The following ALK variants were observed in gnomAD, a reference collection of about 807,000 sequenced individuals.
ALK encodes ALK receptor tyrosine kinase.
In ALK, 74 loss-of-function variants were observed where a neutral mutation model predicts 163.1. The ratio of observed to expected loss-of-function variants is 0.45; its 90% CI spans 0.38 to 0.55. ALK has a LOEUF of 0.55. Ranked by LOEUF, ALK falls within the 20% of genes least tolerant of loss-of-function variation. ALK has a pLI of 0.00. For synonymous variants in ALK, 960 were observed against 843.2 expected (o/e 1.14, Z -2.40); for missense variants, 2,063 against 2,105.3 (o/e 0.98, Z 0.39).
intron 3 of ALK, among the ~76,000 whole-genome samples, chr2:29,569,571 C>A (rs866271570): frequency 7.3e-5 from 11 of 151,584 alleles, no homozygotes; most frequent in African/African-American, 1.9e-4. Flanking sequence ...CTTCCCCCCC[C>A]CTAGTGAGGT....
intron 4 of ALK, among the ~76,000 whole-genome samples, chr2:29,524,622 A>G (rs530337470): frequency 5.1e-4 from 78 of 152,374 alleles, no homozygotes; most frequent in African/African-American, 1.6e-3. Context: ...TGCACTGTAC[A>G]GATATTTACC....
chr2:29,664,701 C>A (rs1053980694), intron 3 of ALK, among the ~76,000 whole-genome samples: 3 of 152,174 alleles, frequency 2.0e-5, no homozygotes, highest in Non-Finnish European at 2.9e-5. Context: ...AGCTCCACCC[C>A]ACCTTGTCCC....
At chr2:29,735,704 G>T (rs575833905) in intron 1 of ALK, among the ~76,000 whole-genome samples, 7 of 152,120 alleles carry the variant, frequency 4.6e-5, no homozygotes, top group African/African-American at 1.4e-4. Flanking sequence ...TCATGATAGC[G>T]AGTGAATTCT....
chr2:29,849,721 T>C (rs542872443), intron 1 of ALK, among the ~76,000 whole-genome samples: 5 of 152,228 alleles, frequency 3.3e-5, no homozygotes, highest in Non-Finnish European at 7.4e-5. Context: ...TGCTGGTACC[T>C]GGCTGTCAGC....
intron 1 of ALK, among the ~76,000 whole-genome samples, chr2:29,878,208 A>G (rs891613283): frequency 1.3e-5 from 2 of 152,240 alleles, no homozygotes; most frequent in East Asian, 1.9e-4. Context: ...ATTGCCTCCA[A>G]GAAATATTAG....
intron 1 of ALK, among the ~76,000 whole-genome samples, chr2:29,852,553 C>A (rs1666025553): frequency 6.6e-6 from 1 of 152,222 alleles, no homozygotes; most frequent in African/African-American, 2.4e-5. Context: ...GCCTGCCCAG[C>A]AGAGGATTCC....
At chr2:29,694,051 T>C (rs1678481395) in intron 3 of ALK, among the ~76,000 whole-genome samples, 1 of 152,196 alleles carries the variant, frequency 6.6e-6, no homozygotes, top group Non-Finnish European at 1.5e-5. Context: ...AGGCTTTCAA[T>C]TCTGAGTTAG....
At chr2:29,878,695 T>A (rs1666782990) in intron 1 of ALK, among the ~76,000 whole-genome samples, 1 of 152,192 alleles carries the variant, frequency 6.6e-6, no homozygotes, top group Non-Finnish European at 1.5e-5. Context: ...AACTGTCATC[T>A]CATGAGATTA....
At chr2:29,401,447 G>A (rs917079289) in intron 4 of ALK, among the ~76,000 whole-genome samples, 2 of 152,146 alleles carry the variant, frequency 1.3e-5, no homozygotes, top group Admixed American at 6.5e-5. Flanking sequence ...AATTTCCCAT[G>A]GAAGGATTCC....
chr2:29,498,555 T>C (rs1672089870), intron 4 of ALK, among the ~76,000 whole-genome samples: 1 of 152,174 alleles, frequency 6.6e-6, no homozygotes, highest in African/African-American at 2.4e-5. Flanking sequence ...GGTGCAGTTG[T>C]ACAGGTTGGG....
At chr2:29,473,998 A>C (rs534118586) in intron 4 of ALK, among the ~76,000 whole-genome samples, 1 of 152,238 alleles carries the variant, frequency 6.6e-6, no homozygotes, top group South Asian at 2.1e-4. Context: ...AAGTTGGTAC[A>C]ATTACTTTGG....
chr2:29,736,367 C>A (rs879219165), intron 1 of ALK, among the ~76,000 whole-genome samples: 1 of 151,606 alleles, frequency 6.6e-6, no homozygotes, highest in African/African-American at 2.4e-5. Context: ...TTCTAATGGA[C>A]TAAAATAACC....
intron 8 of ALK, among the ~76,000 whole-genome samples, chr2:29,316,342 C>G (rs1182674861): frequency 6.6e-6 from 1 of 151,970 alleles, no homozygotes; most frequent in Non-Finnish European, 1.5e-5. Flanking sequence ...GGACTTATTC[C>G]CTTCCTTTCA....
chr2:29,615,419 T>C (rs535049180), intron 3 of ALK, among the ~76,000 whole-genome samples: 16 of 152,210 alleles, frequency 1.1e-4, no homozygotes, highest in Non-Finnish European at 2.4e-4. Flanking sequence ...GTTTAACCTG[T>C]CTGTGCTGTG....
At chr2:29,769,059 G>T (rs1316502861) in intron 1 of ALK, among the ~76,000 whole-genome samples, 1 of 152,022 alleles carries the variant, frequency 6.6e-6, no homozygotes, top group Non-Finnish European at 1.5e-5. Flanking sequence ...GTCTTGAACT[G>T]CTGGGCTCAA....
intron 3 of ALK, among the ~76,000 whole-genome samples, chr2:29,656,378 C>T (rs1397708466): frequency 6.6e-6 from 1 of 152,114 alleles, no homozygotes; most frequent in Non-Finnish European, 1.5e-5. Flanking sequence ...TTCTATCCCA[C>T]AGGACACTAA....
intron 1 of ALK, among the ~76,000 whole-genome samples, chr2:29,908,759 G>A (rs1667619141): frequency 6.6e-6 from 1 of 152,166 alleles, no homozygotes; most frequent in Non-Finnish European, 1.5e-5. Flanking sequence ...CACCCCAGCA[G>A]GAATTGACCT....
chr2:29,841,947 T>C (rs1255213859), intron 1 of ALK, among the ~76,000 whole-genome samples: 1 of 152,136 alleles, frequency 6.6e-6, no homozygotes, highest in Non-Finnish European at 1.5e-5. Flanking sequence ...GTATAGGCTA[T>C]GCAGGTCCCT....
Position 29,228,949 on chromosome 2 carries a change from G to A in ALK, c.2750C>T (p.Thr917Ile), listed in dbSNP as rs773447647. Residue 917 changes from threonine to isoleucine, a missense_variant, in exon 16 of 29, where the codon ACA (threonine) becomes ATA (isoleucine). Thr to Ile is a moderately conservative substitution (Grantham distance 89, BLOSUM62 -1). Transcript: ENST00000389048. Reference protein sequence around the residue: ...PQAMKKWGWETRGGFGGGGGG... With the variant: ...PQAMKKWGWEIRGGFGGGGGG... ...TCCACCCCCTCCGAAACCCCCTCTT[G>A]TCTCCCACCCCCACTTCTTCATGGC... 1.5e-5 allele frequency: 18 copies of A among 1,171,736 alleles called. No individual in the cohort carries two copies. The highest frequency in any genetic ancestry group is 2.0e-5 in the Non-Finnish European group (18 of 902,680). The allele number at this position is 1,171,736 out of a possible 1,614,324, so 72.6% of individuals were successfully genotyped here.
Sources: allele counts gnomAD v4.1 joint callset (sites outside exome capture counted in the v4.1 genomes callset), GRCh38; gene constraint gnomAD v4.1.1; transcripts MANE v1.5; gene names NCBI Gene and HGNC (gene_info 2026-07-23, HGNC 2026-07-21).